The following CDK19 variants were observed in gnomAD, a reference collection of about 807,000 sequenced individuals.
The protein encoded by CDK19 is cyclin dependent kinase 19.
In CDK19, 20 loss-of-function variants were observed where a neutral mutation model predicts 68.3. The ratio of observed to expected loss-of-function variants is 0.29; its 90% confidence interval spans 0.21 to 0.43. CDK19 has a LOEUF of 0.43. Among genes scored for constraint, CDK19 ranks in the 20% least tolerant of loss-of-function variants. CDK19 has a pLI of 1.00. For synonymous variants in CDK19, 221 were observed against 222.8 expected (o/e 0.99, Z 0.07); for missense variants, 339 against 623.5 (o/e 0.54, Z 4.86).
intron 2 of CDK19, among the ~76,000 whole-genome samples, chr6:110,728,287 CAA>C (rs951995109): frequency 4.4e-4 from 38 of 87,146 alleles, no homozygotes; most frequent in East Asian, 7.5e-4. Flanking sequence ...GACTCCATCT[CAA>C]AAAAAAAAAA....
At chr6:110,813,300 T>C (rs1198764076) in intron 1 of CDK19, 1 of 152,028 alleles carries the variant, frequency 6.6e-6, no homozygotes, top group Non-Finnish European at 1.5e-5. Context: ...AGTTCCCTAA[T>C]AAAAGAAAGC....
intron 1 of CDK19, among the ~76,000 whole-genome samples, chr6:110,747,429 T>A: frequency 6.6e-6 from 1 of 152,174 alleles, no homozygotes; most frequent in South Asian, 2.1e-4. Context: ...ACTAGGTATG[T>A]CAACAAGATG....
intron 1 of CDK19, among the ~76,000 whole-genome samples, chr6:110,765,445 G>A (rs1006779258): frequency 6.6e-6 from 1 of 151,842 alleles, no homozygotes; most frequent in African/African-American, 2.4e-5. Flanking sequence ...TTGGGAGGCC[G>A]AGGCGGGTGG....
chr6:110,779,650 T>G (rs1027231382), intron 1 of CDK19, among the ~76,000 whole-genome samples: 21 of 152,198 alleles, frequency 1.4e-4, no homozygotes, highest in African/African-American at 5.1e-4. Flanking sequence ...GCACGGTGCC[T>G]CACGCCTGTA....
At chr6:110,719,060 A>ATT (rs1775626805) in intron 2 of CDK19, among the ~76,000 whole-genome samples, 2 of 152,214 alleles carry the variant, frequency 1.3e-5, no homozygotes, top group Non-Finnish European at 2.9e-5. Flanking sequence ...CTAAATTAGA[A>ATT]AGAGTATAAG....
chr6:110,765,158 C>A (rs1386806136), intron 1 of CDK19, among the ~76,000 whole-genome samples: 2 of 151,686 alleles, frequency 1.3e-5, no homozygotes, highest in African/African-American at 4.8e-5. Flanking sequence ...TGGCTCATGC[C>A]TATAATCTCA....
intron 1 of CDK19, among the ~76,000 whole-genome samples, chr6:110,782,533 T>C (rs537424108): frequency 9.2e-5 from 14 of 152,182 alleles, no homozygotes; most frequent in Non-Finnish European, 1.8e-4. Context: ...GCAAAACTGA[T>C]CACAAAATTC....
chr6:110,721,172 G>A (rs540190119), intron 2 of CDK19, among the ~76,000 whole-genome samples: 71 of 152,138 alleles, frequency 4.7e-4, no homozygotes, highest in South Asian at 1.9e-3. Context: ...CCCGGGAGGC[G>A]GAGGTTGCAG....
At chr6:110,813,027 T>C (rs1444750340) in intron 1 of CDK19, 2 of 150,442 alleles carry the variant, frequency 1.3e-5, no homozygotes, top group African/African-American at 4.9e-5. Flanking sequence ...TTTAAACTAA[T>C]GCTTTCAGAT....
intron 4 of CDK19, among the ~76,000 whole-genome samples, chr6:110,647,434 AG>A: frequency 6.6e-6 from 1 of 152,198 alleles, no homozygotes; most frequent in Admixed American, 6.5e-5. Flanking sequence ...TGAACCAGAG[AG>A]AATTATGAAG....
intron 8 of CDK19, among the ~76,000 whole-genome samples, chr6:110,625,760 T>TA (rs1353591207): frequency 6.6e-6 from 1 of 151,886 alleles, no homozygotes; most frequent in Non-Finnish European, 1.5e-5. Context: ...GCACTGTCCT[T>TA]AAGAGATGGA....
intron 2 of CDK19, among the ~76,000 whole-genome samples, chr6:110,678,430 C>T (rs1223407163): frequency 1.3e-5 from 2 of 152,164 alleles, no homozygotes; most frequent in South Asian, 4.1e-4. Flanking sequence ...TACCTCTATT[C>T]CCACTGCTCT....
At chr6:110,687,222 G>C (rs570055396) in intron 2 of CDK19, among the ~76,000 whole-genome samples, 1 of 152,250 alleles carries the variant, frequency 6.6e-6, no homozygotes, top group African/African-American at 2.4e-5. Flanking sequence ...CATGTTGAAA[G>C]TTCCACTTTT....
intron 1 of CDK19, among the ~76,000 whole-genome samples, chr6:110,752,143 T>C (rs552504634): frequency 2.0e-5 from 3 of 152,304 alleles, no homozygotes; most frequent in South Asian, 4.1e-4. Context: ...GCCAGCCTAG[T>C]AGTAATGATC....
chr6:110,645,018 G>T (rs1209821744), intron 4 of CDK19, among the ~76,000 whole-genome samples: 1 of 152,044 alleles, frequency 6.6e-6, no homozygotes, highest in African/African-American at 2.4e-5. Context: ...AAAGGCCAAT[G>T]ATAACATACT....
At chr6:110,770,267 A>G (rs1299458147) in intron 1 of CDK19, among the ~76,000 whole-genome samples, 1 of 151,422 alleles carries the variant, frequency 6.6e-6, no homozygotes, top group Non-Finnish European at 1.5e-5. Context: ...CATGCTGCTG[A>G]TAAAGACATA....
intron 2 of CDK19, among the ~76,000 whole-genome samples, chr6:110,728,702 A>G (rs965605316): frequency 6.6e-6 from 1 of 151,736 alleles, no homozygotes; most frequent in Non-Finnish European, 1.5e-5. Flanking sequence ...TTTCATCCTC[A>G]CTCATCACTT....
chr6:110,732,478 G>C (rs1776837970), intron 2 of CDK19, among the ~76,000 whole-genome samples: 1 of 152,102 alleles, frequency 6.6e-6, no homozygotes, highest in African/African-American at 2.4e-5. Flanking sequence ...AGAGGTTGCA[G>C]TGAACAGAGA....
At chr6:110,719,579 T>G (rs538374448) in intron 2 of CDK19, among the ~76,000 whole-genome samples, 1 of 152,244 alleles carries the variant, frequency 6.6e-6, no homozygotes, top group South Asian at 2.1e-4. Context: ...GTAAACAGAT[T>G]AAACTCTCCT....
Sources: allele counts gnomAD v4.1 joint callset (sites outside exome capture counted in the v4.1 genomes callset), GRCh38; gene constraint gnomAD v4.1.1; transcripts MANE v1.5; gene names NCBI Gene and HGNC (gene_info 2026-07-23, HGNC 2026-07-21).